The following HS6ST3 variants were observed in gnomAD, a reference collection of about 807,000 sequenced individuals.
The protein encoded by HS6ST3 is heparan-sulfate 6-O-sulfotransferase 3.
In HS6ST3, 12 loss-of-function variants were observed where a neutral mutation model predicts 36.7. The ratio of observed to expected loss-of-function variants is 0.33; its 90% CI spans 0.21 to 0.53. The LOEUF (loss-of-function observed/expected upper bound fraction) is 0.53. HS6ST3 is among the 20% of genes least tolerant of loss of function. The probability of loss-of-function intolerance (pLI) is 0.95; values close to 1 mark genes in which losing one functional copy is unlikely to be tolerated. For missense variants in HS6ST3, 584 were observed against 640.9 expected, an observed-to-expected ratio of 0.91 and a Z score of 0.96; for synonymous variants, 240 against 257.5, an observed-to-expected ratio of 0.93 and a Z score of 0.65.
intron 1 of HS6ST3, among the ~76,000 whole-genome samples, chr13:96,106,799 G>T (rs1054542805): frequency 4.6e-5 from 7 of 152,218 alleles, no homozygotes; most frequent in Non-Finnish European, 7.3e-5. Flanking sequence ...CGTGAGGAAA[G>T]GGAAGGAATG....
chr13:96,532,603 C>T (rs528822872), intron 1 of HS6ST3, among the ~76,000 whole-genome samples: 29 of 152,056 alleles, frequency 1.9e-4, no homozygotes, highest in Non-Finnish European at 2.8e-4. Flanking sequence ...ACTGAAAGCA[C>T]GGAGATCTGA....
chr13:96,153,665 C>T (rs776425300), intron 1 of HS6ST3, among the ~76,000 whole-genome samples: 1 of 152,128 alleles, frequency 6.6e-6, no homozygotes, highest in African/African-American at 2.4e-5. Context: ...TTTATATTAT[C>T]TACCTAAATG....
At chr13:96,215,794 T>G (rs927313129) in intron 1 of HS6ST3, among the ~76,000 whole-genome samples, 4 of 152,162 alleles carry the variant, frequency 2.6e-5, no homozygotes, top group Non-Finnish European at 5.9e-5. Context: ...GAGTTTGTGG[T>G]TCCTGGCTTT....
In HS6ST3 at chr13:96,475,948, C is replaced by T. The variant is rs140124940; in HGVS notation, c.708-356542C>T. Among the ~76,000 whole-genome samples, 116 of 152,132 alleles carry T rather than the reference C, an allele frequency of 7.6e-4. 11 individuals are homozygous for T. The highest frequency in any genetic ancestry group is 4.4e-5 in the Non-Finnish European group (3 of 68,034). On this transcript the variant is annotated intron_variant, in intron 1 of 1. Coordinates refer to ENST00000376705, the MANE Select transcript of HS6ST3 (RefSeq NM_153456.4). The stretch of plus-strand genomic sequence containing the variant: ...GAATCATGAAAACAAATAAACTAAC[C>T]GAAAAACCATCCTGATCCCTCAGCC...
intron 1 of HS6ST3, among the ~76,000 whole-genome samples, chr13:96,671,879 G>A (rs1168682746): frequency 6.6e-6 from 1 of 152,018 alleles, no homozygotes; most frequent in African/African-American, 2.4e-5. Flanking sequence ...CTAACACCGA[G>A]TTATGATTTA....
At chr13:96,148,623 T>G (rs1315399881) in intron 1 of HS6ST3, among the ~76,000 whole-genome samples, 1 of 152,198 alleles carries the variant, frequency 6.6e-6, no homozygotes, top group Non-Finnish European at 1.5e-5. Flanking sequence ...TAATGAATTT[T>G]AGGAAAGTCA....
At chr13:96,121,281 G>A (rs527511188) in intron 1 of HS6ST3, among the ~76,000 whole-genome samples, 34 of 152,092 alleles carry the variant, frequency 2.2e-4, no homozygotes, top group Non-Finnish European at 4.6e-4. Flanking sequence ...CGCTATATTC[G>A]ACCAAGTAGG....
intron 1 of HS6ST3, among the ~76,000 whole-genome samples, chr13:96,253,071 T>A (rs1441138650): frequency 1.3e-5 from 2 of 152,106 alleles, no homozygotes; most frequent in Non-Finnish European, 2.9e-5. Flanking sequence ...TATTGCCCAT[T>A]GGGACCACAC....
intron 1 of HS6ST3, among the ~76,000 whole-genome samples, chr13:96,174,043 ACAGTTGTCAGTT>A (rs1460243333): frequency 3.9e-5 from 6 of 152,180 alleles, no homozygotes; most frequent in Non-Finnish European, 8.8e-5. Context: ...ACAGATAGGA[ACAGTTGTCAGTT>A]CCTTGGTGCT....
chr13:96,229,541 G>A (rs1209869601), intron 1 of HS6ST3, among the ~76,000 whole-genome samples: 1 of 152,132 alleles, frequency 6.6e-6, no homozygotes, highest in Admixed American at 6.5e-5. Flanking sequence ...GCCCTCTAGT[G>A]TCTGCTCTTA....
At chr13:96,368,369 A>C (rs147554227) in intron 1 of HS6ST3, among the ~76,000 whole-genome samples, 1 of 152,166 alleles carries the variant, frequency 6.6e-6, no homozygotes, top group Non-Finnish European at 1.5e-5. Flanking sequence ...ATAAATGCCT[A>C]TTATATTAAG....
intron 1 of HS6ST3, among the ~76,000 whole-genome samples, chr13:96,165,875 G>A (rs2054157769): frequency 6.6e-6 from 1 of 152,076 alleles, no homozygotes. Flanking sequence ...AGGGTACGGT[G>A]TTTTGGCAGG....
chr13:96,462,080 G>A (rs1319556868), intron 1 of HS6ST3, among the ~76,000 whole-genome samples: 1 of 152,050 alleles, frequency 6.6e-6, no homozygotes, highest in Non-Finnish European at 1.5e-5. Flanking sequence ...TTGTTTTTCA[G>A]GCAGGGTCTG....
At chr13:96,566,820 C>T (rs1456402714) in intron 1 of HS6ST3, among the ~76,000 whole-genome samples, 7 of 152,054 alleles carry the variant, frequency 4.6e-5, no homozygotes, top group African/African-American at 1.7e-4. Flanking sequence ...ACAAGCATGT[C>T]AAAAGCTGAT....
intron 1 of HS6ST3, among the ~76,000 whole-genome samples, chr13:96,535,021 G>A (rs2056149601): frequency 1.3e-5 from 2 of 152,140 alleles, no homozygotes; most frequent in Non-Finnish European, 1.5e-5. Context: ...GCATTTCAAA[G>A]TAAGGCCTGC....
chr13:96,280,762 C>T lies in HS6ST3; in HGVS notation c.707+189193C>T, dbSNP rs201489643. 2.0e-5 allele frequency among the ~76,000 whole-genome samples: 3 copies of T among 152,218 alleles called. No homozygotes were observed. In the East Asian group the frequency reaches 5.8e-4, roughly 29 times the overall value. On this transcript the variant is annotated intron_variant, in intron 1 of 1. Transcript: ENST00000376705. ...GTGCAAAATTCATGAAGATGTACCT[C>T]AACATGATAGCCATTTTCTGGCACA...
At chr13:96,359,860 C>A (rs939272710) in intron 1 of HS6ST3, among the ~76,000 whole-genome samples, 2 of 152,092 alleles carry the variant, frequency 1.3e-5, no homozygotes, top group African/African-American at 4.8e-5. Context: ...TTATTAGTTT[C>A]CAGCAGGAGT....
intron 1 of HS6ST3, among the ~76,000 whole-genome samples, chr13:96,308,870 T>C (rs185625349): frequency 6.6e-6 from 1 of 152,220 alleles, no homozygotes; most frequent in Admixed American, 6.5e-5. Context: ...TGCATACACA[T>C]GTTGACTGAA....
chr13:96,184,421 ATC>A (rs566949721), intron 1 of HS6ST3, among the ~76,000 whole-genome samples: 335 of 152,132 alleles, frequency 2.2e-3, no homozygotes, highest in Non-Finnish European at 3.6e-3. Flanking sequence ...TAAAGTTTGC[ATC>A]CTTTTCTCTC....
Sources: allele counts gnomAD v4.1 joint callset (sites outside exome capture counted in the v4.1 genomes callset), GRCh38; gene constraint gnomAD v4.1.1; transcripts MANE v1.5; gene names NCBI Gene and HGNC (gene_info 2026-07-23, HGNC 2026-07-21).